MTOR: variants seen among roughly 807,000 people sequenced by gnomAD.
MTOR encodes the protein serine/threonine-protein kinase mTOR.
MTOR carries 70 observed loss-of-function variants against 319.8 expected under a neutral mutation model. The ratio of observed to expected loss-of-function variants is 0.22; its 90% CI spans 0.18 to 0.27. MTOR has a LOEUF of 0.27. MTOR is among the 10% of genes least tolerant of loss of function. MTOR has a pLI of 1.00. For synonymous variants in MTOR, 1,183 were observed against 1,211.4 expected (o/e 0.98, Z 0.49); for missense variants, 1,890 against 3,274.4 (o/e 0.58, Z 10.32).
At chr1:11,241,503 G>A (rs759241475) in intron 10 of MTOR, 50 bp downstream of exon 10, 51 of 1,564,624 alleles carry the variant, frequency 3.3e-5, no homozygotes, top group Non-Finnish European at 4.2e-5. Flanking sequence ...CCAACACTGG[G>A]GGCCAAGCCT....
chr1:11,216,273 G>T (rs1425564110), intron 19 of MTOR, 39 bp from the exon 20 acceptor site: 10 of 1,528,166 alleles, frequency 6.5e-6, no homozygotes, highest in Non-Finnish European at 9.1e-6. Flanking sequence ...GTATCATGAA[G>T]GACATTGAAC....
intron 28 of MTOR, chr1:11,189,907 G>A: frequency 6.2e-7 from 1 of 1,613,920 alleles, no homozygotes; most frequent in Non-Finnish European, 8.5e-7. Context: ...CAACCAAATT[G>A]ACATCATGCA....
chr1:11,108,752 C>T (rs1007448717), intron 56 of MTOR, among the ~76,000 whole-genome samples: 6 of 146,378 alleles, frequency 4.1e-5, no homozygotes, highest in Non-Finnish European at 7.5e-5. Flanking sequence ...AAGAAAAATT[C>T]GGCCGGGTGC....
intron 30 of MTOR, among the ~76,000 whole-genome samples, chr1:11,155,914 T>C (rs1308840406): frequency 6.6e-6 from 1 of 152,236 alleles, no homozygotes; most frequent in African/African-American, 2.4e-5. Context: ...CTCAGTATCA[T>C]GTTCCAGAGA....
At position 11,108,569 on chromosome 1, in the gene MTOR, C is replaced by T. The variant is rs187381019; in HGVS notation, c.7529-283G>A. Among the ~76,000 whole-genome samples, 1,181 of 151,486 alleles carry T rather than the reference C, an allele frequency of 7.8e-3. 21 individuals are homozygous for T. Among genetic ancestry groups the T allele is most frequent in the African/African-American group, 0.027 (1,108 of 41,282 alleles). On this transcript the variant is annotated intron_variant, in intron 56 of 57. Coordinates refer to ENST00000361445, the MANE Select transcript of MTOR (RefSeq NM_004958.4). Reference sequence around the variant, plus strand: ...TCTTTACTAAAAATACAAAATTAGCCGAGTGTGGTGGCACATGCCTGTAGT... The same window carrying T: ...TCTTTACTAAAAATACAAAATTAGCTGAGTGTGGTGGCACATGCCTGTAGT...
intron 31 of MTOR, among the ~76,000 whole-genome samples, chr1:11,147,694 T>G (rs985628244): frequency 5.3e-5 from 8 of 152,276 alleles, no homozygotes; most frequent in Non-Finnish European, 8.8e-5. Flanking sequence ...ATAAGCTCTG[T>G]GACTCAAGAG....
chr1:11,203,868 C>T (rs967942477), intron 26 of MTOR, among the ~76,000 whole-genome samples: 2 of 152,136 alleles, frequency 1.3e-5, no homozygotes, highest in African/African-American at 4.8e-5. Flanking sequence ...TTCATGACTT[C>T]CAAGACTCTT....
intron 36 of MTOR, chr1:11,139,059 G>A: frequency 4.4e-6 from 2 of 455,088 alleles, no homozygotes; most frequent in East Asian, 3.7e-5. Flanking sequence ...GCACTTTCTA[G>A]ATACAAATAC....
rs529066230 is a variant in MTOR, at chr1:11,254,117, T to C, written c.706-144A>G. 2.8e-5 allele frequency: 26 copies of C among 917,270 alleles called. No homozygotes were observed. The African/African-American group carries it at 4.2e-4, about 15-fold the overall frequency. 56.8% of individuals were successfully genotyped at this position (917,270 alleles called of 1,614,324 possible). A position where few individuals can be genotyped will look rare whatever the true frequency, so the allele number is the denominator to read the frequency against. On this transcript the variant is annotated intron_variant, in intron 5 of 57. Coordinates refer to ENST00000361445, the MANE Select transcript of MTOR (RefSeq NM_004958.4). The stretch of plus-strand genomic sequence containing the variant: ...GCCAGTCATCAACAAAACTAACTGA[T>C]CAATCTCTTTTATTTAATTCAGCTT...
At chr1:11,210,651 G>A (rs1646280540) in intron 24 of MTOR, among the ~76,000 whole-genome samples, 163 bp downstream of exon 24, 1 of 152,224 alleles carries the variant, frequency 6.6e-6, no homozygotes, top group Admixed American at 6.5e-5. Context: ...TGGCAGAGCT[G>A]AGGAGCTGCA....
rs1641965017 is a variant in MTOR at position 11,112,849 on chromosome 1, T to G, written c.7366+3A>C. The G allele has an allele frequency of 2.5e-6, 4 of 1,614,084 alleles. No homozygotes were observed. The African/African-American group carries it at 4.0e-5, about 16-fold the overall frequency. ...CTTTGCGACCTCCCGTGGATGCACC[T>G]ACCGACTGACTGGCCAGCAGAGTAG... is the stretch of plus-strand genomic sequence containing the variant. On this transcript the variant is annotated splice_donor_region_variant and intron_variant, in intron 54 of 57. Coordinates refer to ENST00000361445, the MANE Select transcript of MTOR (RefSeq NM_004958.4).
chr1:11,197,100 C>T (rs951287532), intron 28 of MTOR, among the ~76,000 whole-genome samples: 1 of 151,968 alleles, frequency 6.6e-6, no homozygotes, highest in Non-Finnish European at 1.5e-5. Flanking sequence ...TGGAGGTAGA[C>T]CAGGAATTTA....
intron 19 of MTOR, among the ~76,000 whole-genome samples, chr1:11,220,167 C>T (rs1646617137): frequency 6.6e-6 from 1 of 151,624 alleles, no homozygotes; most frequent in Non-Finnish European, 1.5e-5. Flanking sequence ...TCAGGAAGCC[C>T]TCCAAGTCTC....
At chr1:11,153,557 T>C (rs1411069263) in intron 30 of MTOR, among the ~76,000 whole-genome samples, 2 of 152,252 alleles carry the variant, frequency 1.3e-5, no homozygotes, top group African/African-American at 4.8e-5. Context: ...ACAGCTGATA[T>C]GAAACTAGAA....
At chr1:11,217,426 C>G (rs543318292) in intron 19 of MTOR, among the ~76,000 whole-genome samples, 2 of 151,612 alleles carry the variant, frequency 1.3e-5, no homozygotes, top group East Asian at 3.9e-4. Flanking sequence ...GAGTCTCACT[C>G]TGTCACCCAG....
intron 49 of MTOR, among the ~76,000 whole-genome samples, chr1:11,118,481 C>T (rs1187631479): frequency 4.0e-5 from 6 of 151,528 alleles, no homozygotes; most frequent in Admixed American, 6.6e-5. Context: ...GTGATCCGCC[C>T]GCCTCGGCCT....
intron 29 of MTOR, 131 bp downstream of exon 29, chr1:11,167,311 G>A (rs1171998613): frequency 7.3e-6 from 5 of 685,212 alleles, no homozygotes; most frequent in Non-Finnish European, 1.3e-5. Flanking sequence ...CTGAAGACTG[G>A]TAAGTCAGCA....
intron 36 of MTOR, among the ~76,000 whole-genome samples, chr1:11,135,296 T>C (rs1171317512): frequency 6.7e-6 from 1 of 148,636 alleles, no homozygotes; most frequent in Non-Finnish European, 1.5e-5. Flanking sequence ...AACCCACAAA[T>C]AGAAAAAAAA....
Position 11,231,040 on chromosome 1 carries a change from T to C in MTOR, c.2664A>G (p.Leu888=). 2 of 1,614,070 alleles carry C rather than the reference T, an allele frequency of 1.2e-6. No individual in the cohort carries two copies. Among genetic ancestry groups the C allele is most frequent in the Non-Finnish European group, 1.7e-6 (2 of 1,180,010 alleles). The part of the protein sequence containing the change: ...QGTRREAIRV[L]GLLGALDPYK... ...AAGGATCCAAAGCCCCTAAAAGCCC[T>C]AACACACGGATGGCCTGCGTGGGAA... The change falls in exon 18 of 58, where the codon TTA becomes TTG. Residue 888 remains leucine (L), a synonymous_variant. Coordinates refer to ENST00000361445, the MANE Select transcript of MTOR (RefSeq NM_004958.4).
Sources: allele counts gnomAD v4.1 joint callset (sites outside exome capture counted in the v4.1 genomes callset), GRCh38; gene constraint gnomAD v4.1.1; transcripts MANE v1.5; gene names NCBI Gene and HGNC (gene_info 2026-07-23, HGNC 2026-07-21).